CCND3: variants seen among roughly 807,000 people sequenced by gnomAD.
The protein encoded by CCND3 is G1/S-specific cyclin-D3.
A neutral mutation model predicts 28.7 loss-of-function variants in CCND3; 9 were observed. The observed-to-expected ratio is 0.31, with a 90% confidence interval of 0.19 to 0.55. The LOEUF is 0.55. Ranked by LOEUF, CCND3 falls within the 20% of genes least tolerant of loss-of-function variation. CCND3 has a pLI of 0.93. For missense variants in CCND3, 315 were observed against 385.8 expected (o/e 0.82, Z 1.54); for synonymous variants, 164 against 163.9 (o/e 1.00, Z 0.00).
intron 1 of CCND3, among the ~76,000 whole-genome samples, chr6:41,993,925 TAAAAAAAAAAA>T (rs201027925): frequency 8.2e-6 from 1 of 121,252 alleles, no homozygotes; most frequent in Non-Finnish European, 1.7e-5. Context: ...ACTCTTGTCT[TAAAAAAAAAAA>T]AAAAAAAAAA....
intron 1 of CCND3, among the ~76,000 whole-genome samples, chr6:42,044,672 T>A (rs947715699): frequency 6.6e-6 from 1 of 152,218 alleles, no homozygotes; most frequent in Non-Finnish European, 1.5e-5. Flanking sequence ...ACAGCTATAG[T>A]ATTCCTCCTA....
chr6:41,943,792 T>A (rs1295506328), upstream of CCND3, among the ~76,000 whole-genome samples: 1 of 152,232 alleles, frequency 6.6e-6, no homozygotes, highest in Non-Finnish European at 1.5e-5. Context: ...GAAAGTGGCT[T>A]ATTAGTAATA....
Position 41,940,582 on chromosome 6 carries a change from A to T in CCND3, c.202T>A (p.Cys68Ser). The T allele has an allele frequency of 6.3e-7, 1 of 1,595,982 alleles. No individual in the cohort carries two copies. Among genetic ancestry groups the T allele is most frequent in the Admixed American group, 1.7e-5 (1 of 59,434 alleles). ...KMLAYWMLEV[C>S]EEQRCEEEVF... ...TCCTCCTCACAGCGCTGCTCCTCACATACCTGGGGGAGGGCGCACAGTCAC... is the reference window on the plus strand; with the variant it reads ...TCCTCCTCACAGCGCTGCTCCTCACTTACCTGGGGGAGGGCGCACAGTCAC... The change falls in exon 2 of 5, where the codon TGT becomes AGT. Residue 68 changes from cysteine (C) to serine (S), a missense_variant. Physicochemically the swap from Cys to Ser is moderately radical, Grantham distance 112. Transcript: ENST00000372991.
intron 1 of CCND3, among the ~76,000 whole-genome samples, chr6:41,980,872 A>T (rs1485836600): frequency 1.3e-5 from 2 of 152,204 alleles, no homozygotes; most frequent in African/African-American, 4.8e-5. Context: ...ATAGAGGGGA[A>T]CTTTCTCAAC....
intron 1 of CCND3, among the ~76,000 whole-genome samples, chr6:42,013,327 T>C (rs114621753): frequency 0.019 from 2,904 of 152,314 alleles, 102 homozygotes; most frequent in African/African-American, 0.065. Context: ...TTGTGAACCA[T>C]GGTTAACTGC....
chr6:41,994,731 T>G (rs1762746326), intron 1 of CCND3, among the ~76,000 whole-genome samples: 1 of 152,094 alleles, frequency 6.6e-6, no homozygotes, highest in Non-Finnish European at 1.5e-5. Context: ...ATATGGGAAC[T>G]CTGTACTTTT....
intron 1 of CCND3, among the ~76,000 whole-genome samples, chr6:41,988,146 T>C (rs1460321254): frequency 6.6e-6 from 1 of 151,730 alleles, no homozygotes; most frequent in Non-Finnish European, 1.5e-5. Context: ...AGAAACCCTG[T>C]CTCTACTAAA....
At chr6:41,941,874 G>A (rs1189379629), upstream of CCND3, 8 of 237,880 alleles carry the variant, frequency 3.4e-5, no homozygotes, top group Non-Finnish European at 6.4e-5. This position sits in a 1 kb window ranked among gnomAD's most constrained non-coding sequence, Gnocchi z 6.1. Context: ...CGCTCCGAGG[G>A]GCGGGGCTGC....
At chr6:41,974,073 C>T (rs1762103532) in intron 1 of CCND3, among the ~76,000 whole-genome samples, 1 of 152,176 alleles carries the variant, frequency 6.6e-6, no homozygotes, top group African/African-American at 2.4e-5. Flanking sequence ...GTCCCAGCTA[C>T]TCGGGAGGCT....
chr6:41,975,614 A>G (rs1762156322), intron 1 of CCND3, among the ~76,000 whole-genome samples: 1 of 152,014 alleles, frequency 6.6e-6, no homozygotes, highest in South Asian at 2.1e-4. Flanking sequence ...AAGGGGACTT[A>G]CTTGGTGGGT....
chr6:41,981,534 T>C, intron 1 of CCND3, among the ~76,000 whole-genome samples: 1 of 149,836 alleles, frequency 6.7e-6, no homozygotes, highest in Non-Finnish European at 1.5e-5. Flanking sequence ...ATTTATTTAT[T>C]TATTTATTGA....
intron 1 of CCND3, among the ~76,000 whole-genome samples, chr6:42,040,852 AAAAC>A (rs762079409): frequency 2.0e-5 from 3 of 151,620 alleles, no homozygotes; most frequent in Non-Finnish European, 2.9e-5. Flanking sequence ...CTCCATCTCA[AAAAC>A]AAACAAACAA....
chr6:41,971,578 T>C (rs1464511605), intron 1 of CCND3, among the ~76,000 whole-genome samples: 4 of 151,802 alleles, frequency 2.6e-5, no homozygotes, highest in Non-Finnish European at 5.9e-5. Flanking sequence ...AGTCTCGTTC[T>C]GTCGCCAGGC....
chr6:41,947,492 A>G (rs1561956297), intron 1 of CCND3, among the ~76,000 whole-genome samples: 2 of 152,196 alleles, frequency 1.3e-5, no homozygotes, highest in African/African-American at 4.8e-5. Flanking sequence ...CCATCCTTCC[A>G]ATGGCTCAGG....
At chr6:42,020,971 CA>C (rs1763694564) in intron 1 of CCND3, among the ~76,000 whole-genome samples, 1 of 152,206 alleles carries the variant, frequency 6.6e-6, no homozygotes, top group South Asian at 2.1e-4. Flanking sequence ...AGGCTGGCCT[CA>C]AACTCTTGAC....
chr6:42,028,971 G>GTTTTTT (rs796486498), intron 1 of CCND3, among the ~76,000 whole-genome samples: 75 of 137,806 alleles, frequency 5.4e-4, no homozygotes, highest in Non-Finnish European at 1.0e-3. Flanking sequence ...CCTTGAAACG[G>GTTTTTT]TTTTTTTTTT....
chr6:41,948,696 TG>T (rs1264568997), intron 1 of CCND3, among the ~76,000 whole-genome samples: 1 of 151,666 alleles, frequency 6.6e-6, no homozygotes, highest in African/African-American at 2.4e-5. Context: ...AAAAATTAGC[TG>T]GGCATGGTGG....
intron 1 of CCND3, among the ~76,000 whole-genome samples, chr6:42,025,060 AAAATAAAGTC>A (rs1763834480): frequency 6.6e-6 from 1 of 152,194 alleles, no homozygotes; most frequent in Non-Finnish European, 1.5e-5. Context: ...TCCATCTCAA[AAAATAAAGTC>A]AAATAAAATA....
chr6:41,965,564 C>T (rs1206319120), intron 1 of CCND3, among the ~76,000 whole-genome samples: 4 of 151,996 alleles, frequency 2.6e-5, no homozygotes, highest in Admixed American at 6.6e-5. Flanking sequence ...CCTGGGAATA[C>T]GGGGAGAGTG....
Sources: allele counts gnomAD v4.1 joint callset (sites outside exome capture counted in the v4.1 genomes callset), GRCh38; gene constraint gnomAD v4.1.1; non-coding constraint Gnocchi (gnomAD v3.1); transcripts MANE v1.5; gene names NCBI Gene and HGNC (gene_info 2026-07-23, HGNC 2026-07-21).